Variants in CACNA2D3 observed in about 807,000 individuals in gnomAD.
CACNA2D3 encodes voltage-dependent calcium channel subunit alpha-2/delta-3.
Under a neutral mutation model 160.6 loss-of-function variants are expected in CACNA2D3, and 60 were observed. That is an observed-to-expected ratio of 0.37 (90% CI 0.30 to 0.46). The LOEUF (loss-of-function observed/expected upper bound fraction) is 0.46, where lower values mean the gene tolerates loss of function less well. Among genes scored for constraint, CACNA2D3 ranks in the 20% least tolerant of loss-of-function variants. The probability of loss-of-function intolerance (pLI) is 1.00; values close to 1 mark genes in which losing one functional copy is unlikely to be tolerated. For synonymous variants in CACNA2D3, 558 were observed against 492.9 expected, an observed-to-expected ratio of 1.13 and a Z score of -1.75; for missense variants, 1,205 against 1,365.0, an observed-to-expected ratio of 0.88 and a Z score of 1.85.
chr3:54,202,916 G>A (rs369259035), intron 2 of CACNA2D3, among the ~76,000 whole-genome samples: 2 of 152,336 alleles, frequency 1.3e-5, no homozygotes, highest in African/African-American at 4.8e-5. Context: ...TTAGGGGAGA[G>A]TGTATGTTAA....
At chr3:54,354,301 G>T (rs554818938) in intron 3 of CACNA2D3, among the ~76,000 whole-genome samples, 1 of 152,302 alleles carries the variant, frequency 6.6e-6, no homozygotes, top group African/African-American at 2.4e-5. Flanking sequence ...TTTAAGGACA[G>T]CCCAGGGCCT....
intron 27 of CACNA2D3, among the ~76,000 whole-genome samples, chr3:54,909,847 G>A (rs894892432): frequency 2.6e-5 from 4 of 151,980 alleles, no homozygotes; most frequent in South Asian, 2.1e-4. Context: ...AGTGATCAGC[G>A]TGGTGAAGAA....
intron 5 of CACNA2D3, among the ~76,000 whole-genome samples, chr3:54,510,769 T>C (rs1701446804): frequency 6.6e-6 from 1 of 152,146 alleles, no homozygotes; most frequent in Non-Finnish European, 1.5e-5. Context: ...AGATGTAAAT[T>C]GTCATTTTGA....
intron 13 of CACNA2D3, among the ~76,000 whole-genome samples, chr3:54,796,493 C>G (rs529883264): frequency 6.6e-6 from 1 of 152,168 alleles, no homozygotes; most frequent in African/African-American, 2.4e-5. Flanking sequence ...GTAGTTCTTT[C>G]TCTGGCCCAG....
At chr3:54,854,178 G>A (rs1388290193) in intron 17 of CACNA2D3, among the ~76,000 whole-genome samples, 19 of 152,266 alleles carry the variant, frequency 1.2e-4, no homozygotes, top group Admixed American at 9.8e-4. Context: ...AGAGGAGAGC[G>A]TTCTCTGAGA....
chr3:54,829,885 C>CTTTTT (rs58291013), intron 14 of CACNA2D3, among the ~76,000 whole-genome samples: 45 of 64,310 alleles, frequency 7.0e-4, no homozygotes, highest in Non-Finnish European at 8.8e-4. Flanking sequence ...TCTTCTTCAT[C>CTTTTT]TTTTTTTTTT....
chr3:54,905,440 G>A (rs940849793), intron 27 of CACNA2D3, among the ~76,000 whole-genome samples: 4 of 152,172 alleles, frequency 2.6e-5, no homozygotes, highest in Non-Finnish European at 5.9e-5. Flanking sequence ...AATTTAACTT[G>A]TGAACATTCC....
At chr3:54,806,541 A>T (rs1358121437) in intron 13 of CACNA2D3, among the ~76,000 whole-genome samples, 1 of 151,906 alleles carries the variant, frequency 6.6e-6, no homozygotes, top group Non-Finnish European at 1.5e-5. Context: ...CCACTGCTCA[A>T]TGAAATAAAA....
chr3:54,931,813 C>T (rs1195948333), intron 27 of CACNA2D3, among the ~76,000 whole-genome samples: 1 of 152,108 alleles, frequency 6.6e-6, no homozygotes, highest in Admixed American at 6.6e-5. Flanking sequence ...ATTATTAACC[C>T]TACAATAAAA....
chr3:54,770,627 G>A (rs1175375499), intron 13 of CACNA2D3, among the ~76,000 whole-genome samples: 1 of 152,164 alleles, frequency 6.6e-6, no homozygotes. Context: ...TGGCAATGCA[G>A]CCATTTGTGC....
intron 5 of CACNA2D3, among the ~76,000 whole-genome samples, chr3:54,547,518 C>T (rs962327024): frequency 1.3e-5 from 2 of 152,102 alleles, no homozygotes; most frequent in African/African-American, 4.8e-5. Flanking sequence ...TGCTTACACT[C>T]TCCCGTGGGT....
At chr3:54,501,234 A>G (rs1023549801) in intron 4 of CACNA2D3, among the ~76,000 whole-genome samples, 1 of 152,200 alleles carries the variant, frequency 6.6e-6, no homozygotes, top group African/African-American at 2.4e-5. Context: ...ATCATAGCAC[A>G]GAGTATTCCA....
chr3:54,283,640 G>A (rs1222939024), intron 2 of CACNA2D3, among the ~76,000 whole-genome samples: 2 of 152,070 alleles, frequency 1.3e-5, no homozygotes, highest in African/African-American at 2.4e-5. Flanking sequence ...CAAGTGCAAT[G>A]TGTGTGTGTG....
chr3:54,670,334 T>G (rs1700137370), intron 11 of CACNA2D3, among the ~76,000 whole-genome samples: 1 of 152,068 alleles, frequency 6.6e-6, no homozygotes, highest in Non-Finnish European at 1.5e-5. Flanking sequence ...CCTCCTGGAG[T>G]TCATAGGCCT....
chr3:54,234,446 TG>T (rs1353607381), intron 2 of CACNA2D3, among the ~76,000 whole-genome samples: 11 of 152,226 alleles, frequency 7.2e-5, no homozygotes, highest in African/African-American at 2.7e-4. Context: ...GAAAGCAGTA[TG>T]GCAATTCCTC....
chr3:54,896,202 G>C (rs556267958), intron 25 of CACNA2D3, among the ~76,000 whole-genome samples: 2 of 152,018 alleles, frequency 1.3e-5, no homozygotes, highest in East Asian at 3.9e-4. Flanking sequence ...GATGCACACA[G>C]GGGGCATGAG....
At chr3:54,148,083 C>T (rs1700069982) in intron 2 of CACNA2D3, among the ~76,000 whole-genome samples, 1 of 152,252 alleles carries the variant, frequency 6.6e-6, no homozygotes, top group Non-Finnish European at 1.5e-5. Flanking sequence ...AGGCGTGAGC[C>T]ACTGCGCCCA....
At chr3:54,319,025 T>C (rs1703930542) in intron 2 of CACNA2D3, among the ~76,000 whole-genome samples, 1 of 152,140 alleles carries the variant, frequency 6.6e-6, no homozygotes, top group Non-Finnish European at 1.5e-5. Flanking sequence ...GAATTCTCTC[T>C]TTACATTCGT....
intron 27 of CACNA2D3, among the ~76,000 whole-genome samples, chr3:54,966,545 C>T (rs1702155299): frequency 6.6e-6 from 1 of 152,170 alleles, no homozygotes; most frequent in South Asian, 2.1e-4. Context: ...CCAAGCCAGC[C>T]ACATGGCTCA....
Sources: gnomAD v4.1 joint callset for allele counts (sites outside exome capture counted in the v4.1 genomes callset) on GRCh38, gnomAD v4.1.1 for gene constraint, MANE v1.5 for transcripts, NCBI Gene and HGNC (gene_info 2026-07-23, HGNC 2026-07-21) for gene names.